Variants in ERC1 observed in about 807,000 individuals in gnomAD.
The protein encoded by ERC1 is ELKS/RAB6-interacting/CAST family member 1, also known as RAB6 interacting protein 2.
ERC1 carries 56 observed loss-of-function variants against 132.0 expected under a neutral mutation model. That is an observed-to-expected ratio of 0.42 (90% CI 0.34 to 0.53). ERC1 has a LOEUF of 0.53. Among genes scored for constraint, ERC1 ranks in the 20% least tolerant of loss-of-function variants. The pLI is 0.03. For synonymous variants in ERC1, 478 were observed against 476.1 expected, an observed-to-expected ratio of 1.00 and a Z score of -0.05; for missense variants, 1,202 against 1,349.9, an observed-to-expected ratio of 0.89 and a Z score of 1.72.
At chr12:1,468,517 G>T (rs756557693) in intron 18 of ERC1, among the ~76,000 whole-genome samples, 6 of 152,210 alleles carry the variant, frequency 3.9e-5, no homozygotes, top group East Asian at 1.9e-4. Flanking sequence ...CAGGAGAATC[G>T]CTAGAACCCG....
chr12:1,440,372 T>G (rs1418087724), intron 17 of ERC1, among the ~76,000 whole-genome samples: 2 of 143,814 alleles, frequency 1.4e-5, no homozygotes, highest in African/African-American at 5.0e-5. Flanking sequence ...GCCCGGCTAA[T>G]TTTTTTTGTA....
At chr12:1,345,912 T>C (rs938519281) in intron 15 of ERC1, among the ~76,000 whole-genome samples, 6 of 152,228 alleles carry the variant, frequency 3.9e-5, no homozygotes, top group African/African-American at 1.4e-4. Context: ...TATTTGCCAT[T>C]CTACTTGAAG....
chr12:1,449,745 T>C (rs1049030889), intron 18 of ERC1, among the ~76,000 whole-genome samples: 2 of 152,224 alleles, frequency 1.3e-5, no homozygotes, highest in Non-Finnish European at 2.9e-5. Context: ...TGTCTTCTGA[T>C]TGAAGTGTTT....
chr12:1,431,781 T>C (rs1339190749), intron 17 of ERC1, among the ~76,000 whole-genome samples: 1 of 152,234 alleles, frequency 6.6e-6, no homozygotes, highest in Non-Finnish European at 1.5e-5. Flanking sequence ...TGTTGGAAAA[T>C]TATAAGAATT....
At chr12:1,327,369 T>C (rs879598662) in intron 15 of ERC1, among the ~76,000 whole-genome samples, 2 of 152,192 alleles carry the variant, frequency 1.3e-5, no homozygotes, top group Admixed American at 6.5e-5. Flanking sequence ...TATTTTAGAG[T>C]TACCTACAGT....
chr12:1,407,064 T>C (rs1042280184), intron 16 of ERC1, among the ~76,000 whole-genome samples: 1 of 152,168 alleles, frequency 6.6e-6, no homozygotes, highest in Non-Finnish European at 1.5e-5. Flanking sequence ...AGAGTTAATT[T>C]TTCTAAAATG....
intron 17 of ERC1, among the ~76,000 whole-genome samples, chr12:1,440,412 T>C (rs369525259): frequency 1.3e-4 from 19 of 151,088 alleles, no homozygotes; most frequent in East Asian, 5.8e-4. Context: ...TTCACCGTGT[T>C]AGCCAGGATG....
At chr12:1,351,546 A>T (rs1050023494) in intron 15 of ERC1, among the ~76,000 whole-genome samples, 9 of 152,134 alleles carry the variant, frequency 5.9e-5, no homozygotes, top group African/African-American at 2.2e-4. Flanking sequence ...GCATTTCCTG[A>T]TTACGTATGA....
At chr12:1,183,612 C>T (rs532469941) in intron 11 of ERC1, among the ~76,000 whole-genome samples, 191 bp downstream of exon 11, 4 of 152,268 alleles carry the variant, frequency 2.6e-5, no homozygotes, top group African/African-American at 9.6e-5. Context: ...ATCCCCAAAT[C>T]TTTAAAAATT....
chr12:1,084,941 A>C (rs572390985), intron 3 of ERC1, among the ~76,000 whole-genome samples: 1 of 152,318 alleles, frequency 6.6e-6, no homozygotes, highest in Non-Finnish European at 1.5e-5. Context: ...GCCTCAAGCA[A>C]TCCTCCCTCC....
intron 18 of ERC1, among the ~76,000 whole-genome samples, chr12:1,472,654 G>GAA (rs61201010): frequency 0.36 from 41,056 of 112,706 alleles, 8,133 homozygotes; most frequent in African/African-American, 0.61. Flanking sequence ...TGTCTCAAAA[G>GAA]AAAAAAAAAA....
chr12:1,308,508 G>A (rs574217362), intron 15 of ERC1, among the ~76,000 whole-genome samples: 1 of 152,174 alleles, frequency 6.6e-6, no homozygotes, highest in African/African-American at 2.4e-5. Context: ...TAGGACAGAG[G>A]TTCCCAACAT....
intron 18 of ERC1, among the ~76,000 whole-genome samples, chr12:1,448,070 A>G (rs982166809): frequency 1.3e-5 from 2 of 152,216 alleles, no homozygotes; most frequent in East Asian, 3.8e-4. Context: ...ACCAAGATAG[A>G]AAATTTCAAA....
intron 3 of ERC1, among the ~76,000 whole-genome samples, chr12:1,103,695 G>A (rs1944925329): frequency 6.6e-6 from 1 of 152,128 alleles, no homozygotes; most frequent in South Asian, 2.1e-4. Context: ...GAAGGATGGA[G>A]CAGGTTTGGG....
chr12:1,190,061 GTGAAGC>G lies in ERC1; in HGVS notation c.2351+13_2351+18del. On this transcript the variant is annotated intron_variant, in intron 12 of 18. Coordinates refer to ENST00000360905, the MANE Select transcript of ERC1 (RefSeq NM_178040.4). The stretch of plus-strand genomic sequence containing the variant: ...ATAGCTGAGTTGGAAAGGTAAGAAA[GTGAAGC>G]TGATTGGGGCTTATGAGGTTAAAGT... 1 of 1,609,734 alleles carries G rather than the reference GTGAAGC, an allele frequency of 6.2e-7. No homozygotes were observed. The highest frequency in any genetic ancestry group is 8.5e-7 in the Non-Finnish European group (1 of 1,176,418).
At chr12:1,387,213 G>A (rs898331761) in intron 16 of ERC1, among the ~76,000 whole-genome samples, 2 of 151,982 alleles carry the variant, frequency 1.3e-5, no homozygotes, top group African/African-American at 4.8e-5. Flanking sequence ...AATTAGATGA[G>A]GAGATTTGGG....
intron 13 of ERC1, among the ~76,000 whole-genome samples, chr12:1,258,578 C>G (rs1199713682): frequency 1.3e-5 from 2 of 152,126 alleles, no homozygotes; most frequent in African/African-American, 4.8e-5. Context: ...CACTCACTTT[C>G]AAGGAAGCTG....
At chr12:1,227,794 T>C (rs969351370) in intron 12 of ERC1, among the ~76,000 whole-genome samples, 5 of 152,358 alleles carry the variant, frequency 3.3e-5, no homozygotes, top group East Asian at 1.9e-4. Context: ...TTAGGTCTTA[T>C]GTTTAAGTCT....
At chr12:1,276,469 A>G (rs952424943) in intron 14 of ERC1, among the ~76,000 whole-genome samples, 4 of 151,284 alleles carry the variant, frequency 2.6e-5, no homozygotes, top group Non-Finnish European at 2.9e-5. Context: ...CGAACTCCTG[A>G]CCTCAGGTGA....
Sources: gnomAD v4.1 joint callset for allele counts (sites outside exome capture counted in the v4.1 genomes callset) on GRCh38, gnomAD v4.1.1 for gene constraint, MANE v1.5 for transcripts, NCBI Gene and HGNC (gene_info 2026-07-23, HGNC 2026-07-21) for gene names.